The following LTN1 variants were observed in gnomAD, a reference collection of about 807,000 sequenced individuals.
LTN1 encodes the protein E3 ubiquitin-protein ligase listerin.
A neutral mutation model predicts 201.2 loss-of-function variants in LTN1; 88 were observed. The observed-to-expected ratio is 0.44, with a 90% confidence interval of 0.37 to 0.52. LTN1 has a LOEUF of 0.52. LTN1 is among the 20% of genes least tolerant of loss of function. LTN1 has a pLI of 0.00. For synonymous variants in LTN1, 645 were observed against 713.5 expected, an observed-to-expected ratio of 0.90 and a Z score of 1.53; for missense variants, 1,752 against 2,038.7, an observed-to-expected ratio of 0.86 and a Z score of 2.71.
In LTN1 at chr21:28,932,675, A is replaced by G; in HGVS notation, c.4876-11T>C. 6.3e-7 allele frequency: 1 copy of G among 1,579,430 alleles called. No individual in the cohort carries two copies. The highest frequency in any genetic ancestry group is 8.6e-7 in the Non-Finnish European group (1 of 1,160,708). On this transcript the variant is annotated splice_polypyrimidine_tract_variant and intron_variant, in intron 27 of 29. Transcript: ENST00000361371. The stretch of plus-strand genomic sequence containing the variant: ...AGCTCGAGCTTTAACCTGCAATACA[A>G]CAAAGGATATTTTGTTTGCCAAATT...
Position 28,966,579 on chromosome 21 carries a change from T to C in LTN1, c.1912A>G (p.Lys638Glu). Reference protein sequence around the residue: ...RVFKMLLGDEKQSIVQAKPLE... With the variant: ...RVFKMLLGDEEQSIVQAKPLE... ...GGTTTGGCTTGGACAATACTCTGTT[T>C]TTCATCACCAAGTAGCATTTTAAAT... Residue 638 changes from lysine to glutamate, a missense_variant, in exon 10 of 30, where the codon AAA (lysine) becomes GAA (glutamate). Lys to Glu is a moderately conservative substitution (Grantham distance 56, BLOSUM62 1). Transcript: ENST00000361371. The C allele has an allele frequency of 6.2e-7, 1 of 1,614,128 alleles. No individual in the cohort carries two copies. Among genetic ancestry groups the C allele is most frequent in the Non-Finnish European group, 8.5e-7 (1 of 1,180,022 alleles).
intron 1 of LTN1, 118 bp from the exon 2 acceptor site, chr21:28,987,052 C>G (rs1568860205): frequency 2.1e-5 from 14 of 672,786 alleles, no homozygotes; most frequent in South Asian, 1.5e-4. Context: ...TTCTTTTTTC[C>G]TAGCCTAAAA....
intron 25 of LTN1, among the ~76,000 whole-genome samples, chr21:28,939,602 C>T (rs2084281917): frequency 6.6e-6 from 1 of 152,054 alleles, no homozygotes. Context: ...GGTTTATCTG[C>T]CCACAGCTCA....
At chr21:28,942,823 T>C (rs1201400219) in intron 24 of LTN1, among the ~76,000 whole-genome samples, 1 of 152,220 alleles carries the variant, frequency 6.6e-6, no homozygotes, top group African/African-American at 2.4e-5. Flanking sequence ...AAAAGTTATC[T>C]ATCCTTTTTC....
intron 25 of LTN1, among the ~76,000 whole-genome samples, chr21:28,937,244 C>A (rs544432283): frequency 6.6e-6 from 1 of 152,320 alleles, no homozygotes; most frequent in African/African-American, 2.4e-5. Flanking sequence ...CTTCACAACT[C>A]CTGCTTTCCC....
At chr21:28,970,856 A>T in intron 7 of LTN1, 114 bp from the exon 8 acceptor site, 1 of 728,604 alleles carries the variant, frequency 1.4e-6, no homozygotes, top group Non-Finnish European at 2.1e-6. Context: ...TACCTAAAAA[A>T]AGCTAAAATC....
At chr21:28,973,161 A>C (rs1343691793) in intron 6 of LTN1, among the ~76,000 whole-genome samples, 1 of 152,030 alleles carries the variant, frequency 6.6e-6, no homozygotes, top group East Asian at 1.9e-4. Flanking sequence ...TGGGGTGGCC[A>C]ACATAGCAAA....
At chr21:28,991,314 G>C (rs1395511069) in intron 1 of LTN1, among the ~76,000 whole-genome samples, 1 of 151,170 alleles carries the variant, frequency 6.6e-6, no homozygotes, top group African/African-American at 2.4e-5. Flanking sequence ...AGAAAAAAGA[G>C]AACATTATTG....
intron 29 of LTN1, 50 bp from the exon 30 acceptor site, chr21:28,930,560 C>T: frequency 8.5e-7 from 1 of 1,176,438 alleles, no homozygotes; most frequent in Non-Finnish European, 1.3e-6. Flanking sequence ...AAGTTCTCCT[C>T]TAACATACAT....
chr21:28,944,845 G>A (rs1042866847), intron 21 of LTN1, among the ~76,000 whole-genome samples: 10 of 152,042 alleles, frequency 6.6e-5, no homozygotes, highest in Admixed American at 2.0e-4. Flanking sequence ...TCTAACCCAT[G>A]GAAGGAAACA....
At position 28,956,951 on chromosome 21, in the gene LTN1, G is replaced by C; in HGVS notation, c.2893-3C>G. ...TCTAAAAGAGGTCTATGTAACCACT[G>C]TGAAAAGAATACGTTATATACAAAA... On this transcript the variant is annotated splice_polypyrimidine_tract_variant and splice_region_variant and intron_variant, in intron 15 of 29. Coordinates refer to ENST00000361371, the MANE Select transcript of LTN1 (RefSeq NM_015565.3). The C allele has an allele frequency of 6.4e-7, 1 of 1,552,982 alleles. No homozygotes were observed. Among genetic ancestry groups the C allele is most frequent in the Non-Finnish European group, 8.7e-7 (1 of 1,144,370 alleles).
rs182751380 is a variant in LTN1, at chr21:28,954,722, A to G, written c.3080-1346T>C. 2.1e-3 allele frequency among the ~76,000 whole-genome samples: 320 copies of G among 152,314 alleles called. 2 individuals are homozygous for G. Among genetic ancestry groups the G allele is most frequent in the Non-Finnish European group, 3.6e-3 (242 of 68,026 alleles). ...CTCTTCAAGAAATTGTGCTAGGAAA[A>G]CTGAATATTCATATGTAGAAAAGTG... On this transcript the variant is annotated intron_variant, in intron 16 of 29. Coordinates refer to ENST00000361371, the MANE Select transcript of LTN1 (RefSeq NM_015565.3).
In LTN1 at chr21:28,933,281, C is replaced by T. The variant is rs187708282; in HGVS notation, c.4876-617G>A. On this transcript the variant is annotated intron_variant, in intron 27 of 29. Transcript: ENST00000361371. ...CACTAGCACAAAATCTCTCACATCC[C>T]TACTTTTATATTCCCACTGTTACTG... Among the ~76,000 whole-genome samples the T allele has an allele frequency of 2.0e-3, 298 of 152,244 alleles. 3 individuals are homozygous for T. Among genetic ancestry groups the T allele is most frequent in the African/African-American group, 7.0e-3 (291 of 41,538 alleles).
chr21:28,953,490 T>C lies in LTN1; in HGVS notation c.3080-114A>G, dbSNP rs185957711. On this transcript the variant is annotated intron_variant, in intron 16 of 29. Coordinates refer to ENST00000361371, the MANE Select transcript of LTN1 (RefSeq NM_015565.3). ...CTGTTGTGCCCACTCATCTCAAAAC[T>C]CCTATGAACTGATTTTTCAAATCTG... The C allele has an allele frequency of 1.4e-3, 877 of 642,992 alleles. 4 individuals are homozygous for C. The African/African-American group carries it at 0.015, about 11-fold the overall frequency. The allele number at this position is 642,992 out of a possible 1,614,324, so 39.8% of individuals were successfully genotyped here. A position where few individuals can be genotyped will look rare whatever the true frequency, so the allele number is the denominator to read the frequency against.
rs867043442 is a variant in LTN1 at position 28,957,042 on chromosome 21, C to T, written c.2893-94G>A. On this transcript the variant is annotated intron_variant, in intron 15 of 29. Transcript: ENST00000361371. ...GTTGTGAGAATATTTATTACCAAAA[C>T]CACAGAAACCTAGAAGTTTGTTTTC... 112 of 792,090 alleles carry T rather than the reference C, an allele frequency of 1.4e-4. 1 individual carries two copies. The Middle Eastern group carries it at 4.9e-3, about 35-fold the overall frequency. The allele number at this position is 792,090 out of a possible 1,614,324, so 49.1% of individuals were successfully genotyped here.
chr21:28,956,689 G>A (rs1291940704), intron 16 of LTN1, 73 bp downstream of exon 16: 1 of 756,402 alleles, frequency 1.3e-6, no homozygotes, highest in Non-Finnish European at 1.9e-6. Context: ...TTAAACTGCA[G>A]TATAATCAAG....
At chr21:28,948,648 A>G (rs1361373938) in intron 18 of LTN1, among the ~76,000 whole-genome samples, 1 of 152,132 alleles carries the variant, frequency 6.6e-6, no homozygotes, top group Non-Finnish European at 1.5e-5. Flanking sequence ...ATATTGTTCT[A>G]TCATTTACCA....
At chr21:28,983,831 T>A (rs2084676843) in intron 4 of LTN1, among the ~76,000 whole-genome samples, 1 of 152,232 alleles carries the variant, frequency 6.6e-6, no homozygotes. Flanking sequence ...CCCTCCTCAC[T>A]TCTACTTCAT....
chr21:28,946,539 T>G (rs1384754692), intron 19 of LTN1, among the ~76,000 whole-genome samples: 3 of 152,188 alleles, frequency 2.0e-5, no homozygotes, highest in Non-Finnish European at 4.4e-5. Context: ...ATGCTGTAAT[T>G]TAAACTGACT....
Sources: gnomAD v4.1 joint callset for allele counts (sites outside exome capture counted in the v4.1 genomes callset) on GRCh38, gnomAD v4.1.1 for gene constraint, MANE v1.5 for transcripts, NCBI Gene and HGNC (gene_info 2026-07-23, HGNC 2026-07-21) for gene names.